Variants in RBPMS observed in about 807,000 individuals in gnomAD.
RBPMS encodes RNA binding protein, mRNA processing factor.
In RBPMS, 7 loss-of-function variants were observed where a neutral mutation model predicts 26.8. The observed-to-expected ratio is 0.26, with a 90% confidence interval of 0.15 to 0.49. RBPMS has a LOEUF of 0.49. Among genes scored for constraint, RBPMS ranks in the 20% least tolerant of loss-of-function variants. RBPMS has a pLI of 0.98. For synonymous variants in RBPMS, 96 were observed against 93.3 expected, an observed-to-expected ratio of 1.03 and a Z score of -0.17; for missense variants, 186 against 250.0, an observed-to-expected ratio of 0.74 and a Z score of 1.73.
intron 5 of RBPMS, among the ~76,000 whole-genome samples, chr8:30,538,916 A>AGTGT (rs1178987126): frequency 6.6e-6 from 1 of 152,210 alleles, no homozygotes; most frequent in East Asian, 1.9e-4. Context: ...CACAGGAGCT[A>AGTGT]GTGTGCACTG....
intron 1 of RBPMS, among the ~76,000 whole-genome samples, chr8:30,471,641 C>G (rs1426718364): frequency 6.6e-6 from 1 of 152,158 alleles, no homozygotes; most frequent in Non-Finnish European, 1.5e-5. Flanking sequence ...TCGCTCTGCC[C>G]AGGTTGTCCT....
intron 1 of RBPMS, among the ~76,000 whole-genome samples, chr8:30,455,051 G>C (rs1815043157): frequency 6.6e-6 from 1 of 152,228 alleles, no homozygotes; most frequent in Non-Finnish European, 1.5e-5. Context: ...TCGAATTCCT[G>C]ATCTCAAGTG....
intron 1 of RBPMS, among the ~76,000 whole-genome samples, chr8:30,448,240 G>A (rs1334224323): frequency 1.3e-5 from 2 of 152,196 alleles, no homozygotes; most frequent in East Asian, 3.8e-4. Context: ...AGCATTGCAA[G>A]AGTTAACTTG....
intron 1 of RBPMS, among the ~76,000 whole-genome samples, chr8:30,408,343 A>G (rs1347195867): frequency 1.3e-5 from 2 of 152,202 alleles, no homozygotes; most frequent in East Asian, 1.9e-4. Flanking sequence ...AGCCTGGCCA[A>G]TGTGGCGAAA....
At chr8:30,543,567 T>TA (rs1825610917) in intron 5 of RBPMS, among the ~76,000 whole-genome samples, 1 of 152,230 alleles carries the variant, frequency 6.6e-6, no homozygotes, top group Non-Finnish European at 1.5e-5. Context: ...TGACAGGTGA[T>TA]AAAAGCACAT....
chr8:30,568,556 C>T (rs1031416708), intron 8 of RBPMS, among the ~76,000 whole-genome samples: 1 of 152,172 alleles, frequency 6.6e-6, no homozygotes, highest in African/African-American at 2.4e-5. Context: ...TGGGACTGTT[C>T]CCACTTACCT....
At chr8:30,493,765 G>A (rs547301499) in intron 4 of RBPMS, among the ~76,000 whole-genome samples, 6 of 152,088 alleles carry the variant, frequency 3.9e-5, no homozygotes, top group Non-Finnish European at 8.8e-5. Flanking sequence ...AGAACATAGT[G>A]GCAAAAGTTC....
intron 6 of RBPMS, chr8:30,547,619 C>T (rs986617452): frequency 1.4e-5 from 10 of 711,710 alleles, no homozygotes; most frequent in Admixed American, 3.6e-5. Flanking sequence ...CCTGTGACAC[C>T]AAGTCTATTT....
chr8:30,479,106 T>G (rs1818009285), intron 3 of RBPMS, among the ~76,000 whole-genome samples: 1 of 152,184 alleles, frequency 6.6e-6, no homozygotes, highest in Non-Finnish European at 1.5e-5. Context: ...GCTGTGCTCT[T>G]GAAGAACTAC....
chr8:30,499,786 G>A (rs1381089409), intron 4 of RBPMS, among the ~76,000 whole-genome samples: 1 of 152,026 alleles, frequency 6.6e-6, no homozygotes, highest in Non-Finnish European at 1.5e-5. Flanking sequence ...ACAAAGAGAT[G>A]TCCTTGTTTT....
intron 4 of RBPMS, among the ~76,000 whole-genome samples, chr8:30,498,644 A>G (rs1820230105): frequency 6.6e-6 from 1 of 152,254 alleles, no homozygotes; most frequent in Admixed American, 6.5e-5. Flanking sequence ...AAAACTGTAA[A>G]TAAATATAAG....
intron 8 of RBPMS, among the ~76,000 whole-genome samples, chr8:30,568,651 A>G (rs1828058959): frequency 6.6e-6 from 1 of 152,086 alleles, no homozygotes; most frequent in African/African-American, 2.4e-5. Flanking sequence ...CCGCGAGGAG[A>G]ACCTGCTCCT....
chr8:30,520,185 A>G (rs1011049385), intron 5 of RBPMS, among the ~76,000 whole-genome samples: 1 of 152,138 alleles, frequency 6.6e-6, no homozygotes, highest in African/African-American at 2.4e-5. Context: ...TGACTGAAAA[A>G]TGTTGATTTT....
chr8:30,457,008 G>A (rs554935552), intron 1 of RBPMS, among the ~76,000 whole-genome samples: 7 of 152,294 alleles, frequency 4.6e-5, no homozygotes, highest in South Asian at 4.2e-4. Context: ...TTATTTGGTC[G>A]TACTAAAACA....
At chr8:30,540,660 C>T (rs959544540) in intron 5 of RBPMS, among the ~76,000 whole-genome samples, 1 of 152,152 alleles carries the variant, frequency 6.6e-6, no homozygotes, top group Non-Finnish European at 1.5e-5. Context: ...TGGGTCCAAG[C>T]GATCTTCTTC....
chr8:30,510,901 C>T (rs1214519481), intron 5 of RBPMS, among the ~76,000 whole-genome samples: 1 of 152,086 alleles, frequency 6.6e-6, no homozygotes, highest in Non-Finnish European at 1.5e-5. Context: ...GTGCTGACAG[C>T]TATAGTTCTT....
intron 1 of RBPMS, among the ~76,000 whole-genome samples, chr8:30,430,186 C>T (rs1811775520): frequency 6.6e-6 from 1 of 152,096 alleles, no homozygotes; most frequent in Non-Finnish European, 1.5e-5. Context: ...TGCCACTGCA[C>T]TCCAGCCTGG....
In RBPMS at chr8:30,570,764, G is replaced by T. The variant is rs905305752; in HGVS notation, c.*239G>T. The T allele has an allele frequency of 2.6e-5, 4 of 152,586 alleles. No individual in the cohort carries two copies. The highest frequency in any genetic ancestry group is 4.4e-5 in the Non-Finnish European group (3 of 68,040). The allele number at this position is 152,586 out of a possible 1,614,324, so 9.5% of individuals were successfully genotyped here. ...TTTTACTCTTTTACACTGTATAATT[G>T]TAAGAAATAGCGTATTATTTGTGAA... On this transcript the variant is annotated 3_prime_UTR_variant, in exon 9 of 9. Coordinates refer to ENST00000397323, the MANE Select transcript of RBPMS (RefSeq NM_001008710.3).
intron 4 of RBPMS, among the ~76,000 whole-genome samples, chr8:30,491,613 C>A (rs1378147156): frequency 6.6e-6 from 1 of 151,976 alleles, no homozygotes; most frequent in African/African-American, 2.4e-5. Flanking sequence ...AAAGTTTAGG[C>A]AACTGTTTTT....
Sources: allele counts gnomAD v4.1 joint callset (sites outside exome capture counted in the v4.1 genomes callset), GRCh38; gene constraint gnomAD v4.1.1; transcripts MANE v1.5; gene names NCBI Gene and HGNC (gene_info 2026-07-23, HGNC 2026-07-21).